ANKS1B: variants seen among roughly 807,000 people sequenced by gnomAD.
ANKS1B encodes the protein ankyrin repeat and sterile alpha motif domain-containing protein 1B.
Under a neutral mutation model 148.3 loss-of-function variants are expected in ANKS1B, and 36 were observed. That is an observed-to-expected ratio of 0.24 (90% CI 0.19 to 0.32). The LOEUF (loss-of-function observed/expected upper bound fraction) is 0.32. Among genes scored for constraint, ANKS1B ranks in the 10% least tolerant of loss-of-function variants. The pLI is 1.00. For missense variants in ANKS1B, 1,157 were observed against 1,542.6 expected, an observed-to-expected ratio of 0.75 and a Z score of 4.19; for synonymous variants, 542 against 560.8, an observed-to-expected ratio of 0.97 and a Z score of 0.47.
At chr12:99,231,190 C>T (rs1347115271) in intron 14 of ANKS1B, among the ~76,000 whole-genome samples, 2 of 152,066 alleles carry the variant, frequency 1.3e-5, no homozygotes, top group Non-Finnish European at 2.9e-5. Flanking sequence ...CATTTACATA[C>T]ATGACTATGT....
intron 9 of ANKS1B, among the ~76,000 whole-genome samples, chr12:99,605,234 T>G (rs890807593): frequency 1.3e-5 from 2 of 152,118 alleles, no homozygotes; most frequent in African/African-American, 4.8e-5. Flanking sequence ...TTATGCATAC[T>G]TATGGAGTGT....
At chr12:98,890,787 T>C (rs2099751012) in intron 17 of ANKS1B, among the ~76,000 whole-genome samples, 1 of 152,200 alleles carries the variant, frequency 6.6e-6, no homozygotes, top group African/African-American at 2.4e-5. Flanking sequence ...GAAAAGAGTG[T>C]TGGTCTTAAA....
At chr12:99,183,831 T>C (rs1262620298) in intron 14 of ANKS1B, among the ~76,000 whole-genome samples, 2 of 152,218 alleles carry the variant, frequency 1.3e-5, no homozygotes, top group East Asian at 1.9e-4. Flanking sequence ...CAAGGATTAC[T>C]CTTGACTTTT....
chr12:99,706,567 T>G (rs1600194561), intron 8 of ANKS1B: 2 of 152,260 alleles, frequency 1.3e-5, no homozygotes, highest in East Asian at 3.9e-4. Flanking sequence ...CAATTATCCC[T>G]GTTTCTCATG....
intron 1 of ANKS1B, among the ~76,000 whole-genome samples, chr12:99,938,666 T>C (rs567555523): frequency 1.3e-5 from 2 of 152,174 alleles, no homozygotes; most frequent in Non-Finnish European, 1.5e-5. Context: ...CCAGAGTTGG[T>C]CACACAGCCA....
intron 14 of ANKS1B, among the ~76,000 whole-genome samples, chr12:99,185,454 A>G (rs952684465): frequency 1.3e-5 from 2 of 152,118 alleles, no homozygotes; most frequent in African/African-American, 4.8e-5. Context: ...GGTGGCTGGC[A>G]AGATGGACGA....
chr12:99,447,026 A>T lies in ANKS1B; in HGVS notation c.1439-3217T>A, dbSNP rs60319364. Among the ~76,000 whole-genome samples the T allele has an allele frequency of 1.4e-4, 22 of 152,050 alleles. No individual in the cohort carries two copies. The East Asian group carries it at 3.9e-3, about 27-fold the overall frequency. The stretch of plus-strand genomic sequence containing the variant: ...TCCTGAATAGACAAAGCAACCTTGA[A>T]CAAAAAGAAAAAACTGAGCACATTA... On this transcript the variant is annotated intron_variant, in intron 10 of 26. Transcript: ENST00000683438.
chr12:98,956,461 C>T (rs2099862230), intron 17 of ANKS1B: 1 of 152,152 alleles, frequency 6.6e-6, no homozygotes, highest in East Asian at 1.9e-4. Flanking sequence ...CAAAGGCTTT[C>T]TTCTGTCCAT....
chr12:99,253,039 C>T (rs1200747146), intron 12 of ANKS1B, among the ~76,000 whole-genome samples: 6 of 152,044 alleles, frequency 3.9e-5, no homozygotes, highest in Non-Finnish European at 8.8e-5. Flanking sequence ...GCCTGGGCAA[C>T]ATAGCAAGAC....
At chr12:98,741,927 A>C (rs1192996959), downstream of ANKS1B, among the ~76,000 whole-genome samples, 2 of 152,164 alleles carry the variant, frequency 1.3e-5, no homozygotes, top group Non-Finnish European at 2.9e-5. Context: ...AGCTGTTGGG[A>C]TGCTTGATTG....
chr12:99,120,787 C>T (rs929396806), intron 15 of ANKS1B, among the ~76,000 whole-genome samples: 1 of 152,108 alleles, frequency 6.6e-6, no homozygotes, highest in African/African-American at 2.4e-5. Context: ...TTTGAGGTCC[C>T]TGGGGGGCAT....
chr12:98,807,800 A>G (rs534083346), intron 20 of ANKS1B, 44 bp downstream of exon 20: 7 of 1,557,034 alleles, frequency 4.5e-6, no homozygotes, highest in South Asian at 1.1e-5. Flanking sequence ...AACACAGTAC[A>G]TAGCGCAAGT....
chr12:99,853,493 T>C (rs2088373075), intron 1 of ANKS1B, among the ~76,000 whole-genome samples: 1 of 152,066 alleles, frequency 6.6e-6, no homozygotes, highest in Non-Finnish European at 1.5e-5. Context: ...TAACCCTCAC[T>C]GCAGTTTGGC....
intron 9 of ANKS1B, among the ~76,000 whole-genome samples, chr12:99,632,389 G>A (rs888413869): frequency 2.6e-5 from 4 of 151,992 alleles, no homozygotes; most frequent in African/African-American, 7.2e-5. Context: ...AAGTGGAAAT[G>A]TGGGGTTGGA....
chr12:99,589,116 A>C (rs992115922), intron 9 of ANKS1B, among the ~76,000 whole-genome samples: 1 of 152,188 alleles, frequency 6.6e-6, no homozygotes, highest in African/African-American at 2.4e-5. Flanking sequence ...TGAGTAGAGA[A>C]GACCTGAAAT....
intron 1 of ANKS1B, among the ~76,000 whole-genome samples, chr12:99,851,773 A>T (rs1467458468): frequency 6.6e-6 from 1 of 152,188 alleles, no homozygotes; most frequent in Non-Finnish European, 1.5e-5. Context: ...CACAGGAACA[A>T]AAAGCCTTTT....
intron 12 of ANKS1B, among the ~76,000 whole-genome samples, chr12:99,305,467 T>G (rs2082212359): frequency 6.6e-6 from 1 of 152,160 alleles, no homozygotes; most frequent in Non-Finnish European, 1.5e-5. Context: ...ATAATGATGC[T>G]GTCTAGCAAT....
chr12:99,743,194 T>C (rs1240750912), intron 8 of ANKS1B, among the ~76,000 whole-genome samples: 2 of 152,196 alleles, frequency 1.3e-5, no homozygotes, highest in African/African-American at 4.8e-5. Flanking sequence ...AATGAACTTC[T>C]ATTATTGTAA....
intron 15 of ANKS1B, among the ~76,000 whole-genome samples, chr12:99,103,953 AAC>A (rs1406509536): frequency 1.3e-5 from 2 of 152,210 alleles, no homozygotes; most frequent in African/African-American, 4.8e-5. Flanking sequence ...AATAAAACAA[AAC>A]ACAGTCTCTG....
Sources: gnomAD v4.1 joint callset for allele counts (sites outside exome capture counted in the v4.1 genomes callset) on GRCh38, gnomAD v4.1.1 for gene constraint, MANE v1.5 for transcripts, NCBI Gene and HGNC (gene_info 2026-07-23, HGNC 2026-07-21) for gene names.